Variants in EHHADH observed in about 807,000 individuals in gnomAD.
EHHADH encodes enoyl-CoA hydratase and 3-hydroxyacyl CoA dehydrogenase, also known as peroxisomal bifunctional enzyme.
EHHADH carries 48 observed loss-of-function variants against 64.4 expected under a neutral mutation model. The observed-to-expected ratio is 0.75, with a 90% confidence interval of 0.59 to 0.95. The LOEUF (loss-of-function observed/expected upper bound fraction) is 0.95, where lower values mean the gene tolerates loss of function less well. EHHADH is among the 40% of genes least tolerant of loss of function. The pLI, the probability that EHHADH is intolerant of heterozygous loss-of-function variation, is 0.00. For missense variants in EHHADH, 854 were observed against 876.6 expected, an observed-to-expected ratio of 0.97 and a Z score of 0.33; for synonymous variants, 308 against 326.7, an observed-to-expected ratio of 0.94 and a Z score of 0.62.
chr3:185,253,916 G>C, intron 1 of EHHADH, 33 bp downstream of exon 1: 12 of 1,612,480 alleles, frequency 7.4e-6, no homozygotes, highest in Non-Finnish European at 1.0e-5. Context: ...AGGCCCGCAC[G>C]GTCCCCGGGC....
At chr3:185,199,806 T>A (rs924231392) in intron 6 of EHHADH, among the ~76,000 whole-genome samples, 33 of 152,170 alleles carry the variant, frequency 2.2e-4, no homozygotes, top group Admixed American at 2.1e-3. Flanking sequence ...AGTACAGTGG[T>A]GGCATCATGG....
chr3:185,201,789 C>A (rs1243049247), intron 6 of EHHADH, among the ~76,000 whole-genome samples: 1 of 152,106 alleles, frequency 6.6e-6, no homozygotes, highest in Admixed American at 6.6e-5. Flanking sequence ...CAGAAACAAA[C>A]CTGAAGGCTT....
At chr3:185,196,331 T>C (rs1318547935) in intron 6 of EHHADH, among the ~76,000 whole-genome samples, 4 of 152,176 alleles carry the variant, frequency 2.6e-5, no homozygotes, top group African/African-American at 9.7e-5. Flanking sequence ...ATAGAAGCAA[T>C]TTGAATGTTC....
intron 4 of EHHADH, chr3:185,226,881 G>T (rs1718993182): frequency 6.6e-6 from 1 of 152,128 alleles, no homozygotes; most frequent in African/African-American, 2.4e-5. Flanking sequence ...GGACATTTTT[G>T]AATTAATGAA....
intron 2 of EHHADH, among the ~76,000 whole-genome samples, chr3:185,235,758 T>C (rs1300837153): frequency 6.6e-6 from 1 of 152,118 alleles, no homozygotes. Context: ...AGTAAGTCTA[T>C]ATTTAAAAAA....
chr3:185,227,527 G>A (rs1398058935), intron 4 of EHHADH, among the ~76,000 whole-genome samples: 1 of 143,206 alleles, frequency 7.0e-6, no homozygotes, highest in African/African-American at 2.6e-5. Context: ...AGTGAAACTC[G>A]GTCTCAAAAA....
At position 185,192,285 on chromosome 3, in the gene EHHADH, C is replaced by T; in HGVS notation, c.2113G>A (p.Gly705Arg). ...TGCCATTCTTTCAGGGGAGGGTTTC[C>T]CTGAGAAGCCAGTTTTTTTAGATAG... ...SDYLKKLASQ[G>R]NPPLKEWQSL... Residue 705 changes from glycine (G) to arginine (R), a missense_variant, in exon 7 of 7, where the codon GGA (glycine) becomes AGA (arginine). By Grantham distance (125) the Gly-to-Arg change is moderately radical. Transcript: ENST00000231887. 6.2e-7 allele frequency: 1 copy of T among 1,614,098 alleles called. No individual in the cohort carries two copies. The highest frequency in any genetic ancestry group is 8.5e-7 in the Non-Finnish European group (1 of 1,180,024).
At chr3:185,253,053 A>G (rs1719791645) in intron 1 of EHHADH, among the ~76,000 whole-genome samples, 1 of 151,984 alleles carries the variant, frequency 6.6e-6, no homozygotes, top group African/African-American at 2.4e-5. Flanking sequence ...CCCAGTGAGA[A>G]AAAGAAGATA....
chr3:185,232,475 T>A (rs1189943975), intron 3 of EHHADH, among the ~76,000 whole-genome samples: 1 of 152,056 alleles, frequency 6.6e-6, no homozygotes, highest in African/African-American at 2.4e-5. Context: ...TGAGACAGAG[T>A]TTAGCTCTTG....
chr3:185,234,569 AGG>A (rs1719231901), intron 3 of EHHADH, among the ~76,000 whole-genome samples: 1 of 122,024 alleles, frequency 8.2e-6, no homozygotes, highest in Admixed American at 8.6e-5. Flanking sequence ...GAGAGGCCCT[AGG>A]GCTAAGGTTA....
chr3:185,248,225 G>C (rs1057094801), intron 2 of EHHADH, 189 bp downstream of exon 2: 8 of 573,798 alleles, frequency 1.4e-5, no homozygotes, highest in African/African-American at 1.3e-4. Context: ...CAATAAAAGA[G>C]ACTAAGCCCT....
At chr3:185,224,254 C>T (rs939581546) in intron 4 of EHHADH, among the ~76,000 whole-genome samples, 3 of 151,718 alleles carry the variant, frequency 2.0e-5, no homozygotes, top group Non-Finnish European at 2.9e-5. Flanking sequence ...AATCCCAGCA[C>T]TTTGGGAGGC....
intron 4 of EHHADH, among the ~76,000 whole-genome samples, chr3:185,226,661 A>AG (rs1718984968): frequency 1.4e-4 from 15 of 109,436 alleles, no homozygotes; most frequent in Admixed American, 3.0e-4. Context: ...AAAAAAAAAA[A>AG]AAAAAAGAAA....
intron 5 of EHHADH, among the ~76,000 whole-genome samples, chr3:185,209,120 A>C (rs537593283): frequency 6.6e-6 from 1 of 152,306 alleles, no homozygotes; most frequent in East Asian, 1.9e-4. Context: ...ACAATCTATA[A>C]GGCAAATCAC....
intron 4 of EHHADH, among the ~76,000 whole-genome samples, chr3:185,226,658 A>C (rs942852032): frequency 3.0e-5 from 3 of 99,654 alleles, no homozygotes; most frequent in African/African-American, 8.6e-5. Context: ...TCCAAAAAAA[A>C]AAAAAAAAAG....
chr3:185,209,457 T>C (rs1718481826), intron 5 of EHHADH, among the ~76,000 whole-genome samples: 1 of 152,226 alleles, frequency 6.6e-6, no homozygotes, highest in Non-Finnish European at 1.5e-5. Flanking sequence ...TTGTTTTCTA[T>C]AATGTACTGG....
intron 4 of EHHADH, among the ~76,000 whole-genome samples, chr3:185,228,260 ATAT>A (rs1719050942): frequency 1.0e-3 from 31 of 29,642 alleles, no homozygotes; most frequent in African/African-American, 2.6e-3. Context: ...AAAAAAAAAT[ATAT>A]ATATATATAT....
intron 5 of EHHADH, among the ~76,000 whole-genome samples, chr3:185,205,313 A>G (rs993289852): frequency 6.6e-6 from 1 of 152,000 alleles, no homozygotes; most frequent in East Asian, 1.9e-4. Context: ...TGGTTTTTCA[A>G]CCTTTGCCAT....
chr3:185,214,640 A>G (rs1718635651), intron 5 of EHHADH, among the ~76,000 whole-genome samples: 1 of 152,234 alleles, frequency 6.6e-6, no homozygotes, highest in Non-Finnish European at 1.5e-5. Context: ...TTATGCAGGT[A>G]CATATAAGAA....
Sources: gnomAD v4.1 joint callset for allele counts (sites outside exome capture counted in the v4.1 genomes callset) on GRCh38, gnomAD v4.1.1 for gene constraint, MANE v1.5 for transcripts, NCBI Gene and HGNC (gene_info 2026-07-23, HGNC 2026-07-21) for gene names.